ANK3: variants seen among roughly 807,000 people sequenced by gnomAD.
ANK3 encodes the protein ankyrin-3.
ANK3 carries 57 observed loss-of-function variants against 370.9 expected under a neutral mutation model. The observed-to-expected ratio is 0.15, with a 90% CI of 0.12 to 0.19. ANK3 has a LOEUF of 0.19. ANK3 is among the 10% of genes least tolerant of loss of function. ANK3 has a pLI of 1.00. For synonymous variants in ANK3, 1,929 were observed against 1,946.3 expected (o/e 0.99, Z 0.23); for missense variants, 4,439 against 5,302.1 (o/e 0.84, Z 5.06).
At chr10:60,373,381 G>T (rs1038134643) in intron 1 of ANK3, among the ~76,000 whole-genome samples, 2 of 152,146 alleles carry the variant, frequency 1.3e-5, no homozygotes, top group Admixed American at 1.3e-4. Flanking sequence ...ACAAGATCCT[G>T]GGAGTTGAAG....
intron 2 of ANK3, among the ~76,000 whole-genome samples, chr10:60,436,023 G>A (rs1186788572): frequency 6.6e-6 from 1 of 151,768 alleles, no homozygotes; most frequent in Non-Finnish European, 1.5e-5. Flanking sequence ...GGAAGGCGGA[G>A]CTTGCAGTGA....
In ANK3 at chr10:60,693,637, C is replaced by A. The variant is rs1368212098; in HGVS notation, c.57+39626G>T. The stretch of plus-strand genomic sequence containing the variant: ...ACTGGGAGGCACCCCCCAGCAGGGG[C>A]AGATTGACCCCTCACACAGCCAGGT... On this transcript the variant is annotated intron_variant, in intron 1 of 43. Coordinates refer to the ANK3 transcript ENST00000373827. Among the ~76,000 whole-genome samples the A allele has an allele frequency of 2.6e-5, 4 of 152,206 alleles. 1 individual carries two copies. Among genetic ancestry groups the A allele is most frequent in the Non-Finnish European group, 4.4e-5 (3 of 68,038 alleles).
intron 2 of ANK3, chr10:60,572,464 C>T (rs2077623843): frequency 6.5e-7 from 1 of 1,535,650 alleles, no homozygotes; most frequent in African/African-American, 1.4e-5. Flanking sequence ...TCATTTCTTA[C>T]CTTTTTTCCT....
intron 1 of ANK3, among the ~76,000 whole-genome samples, chr10:60,371,679 G>A (rs149095160): frequency 2.0e-5 from 3 of 152,188 alleles, no homozygotes; most frequent in African/African-American, 7.2e-5. Context: ...TAGTATCTAA[G>A]GATTCAGTCC....
chr10:60,153,386 T>A lies in ANK3; in HGVS notation c.2614+13205A>T, dbSNP rs548690854. ...TGGATGGGGGTGGTGAAAATGGAGA[T>A]GGAGAAGAGAAGAGAGATTTGAGAT... On this transcript the variant is annotated intron_variant, in intron 23 of 43. Transcript: ENST00000280772. Among the ~76,000 whole-genome samples, 93 of 151,864 alleles carry A rather than the reference T, an allele frequency of 6.1e-4. 1 individual carries two copies. Among genetic ancestry groups the A allele is most frequent in the Non-Finnish European group, 9.9e-4 (67 of 67,966 alleles).
intron 2 of ANK3, among the ~76,000 whole-genome samples, chr10:60,438,311 A>G (rs1241997207): frequency 6.6e-6 from 1 of 152,186 alleles, no homozygotes; most frequent in Non-Finnish European, 1.5e-5. Flanking sequence ...CAGGACAGGC[A>G]TTAAAAATGA....
intron 5 of ANK3, among the ~76,000 whole-genome samples, chr10:60,267,913 G>T (rs1255388397): frequency 2.0e-5 from 3 of 152,138 alleles, no homozygotes; most frequent in Non-Finnish European, 2.9e-5. Flanking sequence ...TCCCCTGTCC[G>T]CTAGGACACA....
At chr10:60,269,873 C>A (rs2097942130) in intron 5 of ANK3, among the ~76,000 whole-genome samples, 2 of 151,888 alleles carry the variant, frequency 1.3e-5, no homozygotes, top group South Asian at 2.1e-4. Flanking sequence ...AATTCTCAAG[C>A]AAATACGTTA....
exon 1 of ANK3, chr10:60,733,447 G>T: frequency 1.3e-6 from 1 of 788,340 alleles, no homozygotes; most frequent in South Asian, 6.6e-5. Flanking sequence ...ACCAAGCGCG[G>T]CCCCGCGACG....
chr10:60,234,628 G>A, intron 8 of ANK3, 60 bp downstream of exon 8: 3 of 1,024,188 alleles, frequency 2.9e-6, no homozygotes, highest in Non-Finnish European at 4.6e-6. Context: ...AAAGGTATCA[G>A]GAAAAGTATT....
chr10:60,383,870 A>G (rs2061883986), intron 1 of ANK3, among the ~76,000 whole-genome samples: 1 of 152,178 alleles, frequency 6.6e-6, no homozygotes, highest in South Asian at 2.1e-4. Context: ...AACATCAGGA[A>G]GCACTGAGCT....
intron 8 of ANK3, among the ~76,000 whole-genome samples, chr10:60,215,026 G>T (rs1359301347): frequency 6.6e-6 from 1 of 152,056 alleles, no homozygotes; most frequent in Admixed American, 6.6e-5. Flanking sequence ...AGCATCTATT[G>T]TTTCCTGACA....
chr10:60,441,034 C>T (rs1345849088), intron 2 of ANK3, among the ~76,000 whole-genome samples: 1 of 152,016 alleles, frequency 6.6e-6, no homozygotes, highest in Non-Finnish European at 1.5e-5. Context: ...GGAGTATTGC[C>T]TACGGGCAGG....
intron 1 of ANK3, among the ~76,000 whole-genome samples, chr10:60,649,168 G>A (rs1182094451): frequency 6.6e-6 from 1 of 152,034 alleles, no homozygotes; most frequent in African/African-American, 2.4e-5. Flanking sequence ...AGAGCATTTT[G>A]CTTCTTGGAT....
chr10:60,464,990 G>T (rs2064976196), intron 2 of ANK3, among the ~76,000 whole-genome samples: 2 of 152,114 alleles, frequency 1.3e-5, no homozygotes, highest in African/African-American at 4.8e-5. Flanking sequence ...CCTGCTCCAA[G>T]CACAGTGGCT....
chr10:60,225,373 T>C (rs1266635118), intron 8 of ANK3, among the ~76,000 whole-genome samples: 2 of 152,184 alleles, frequency 1.3e-5, no homozygotes, highest in Admixed American at 1.3e-4. Flanking sequence ...ATTTAATCTT[T>C]GCAGCAATTC....
intron 2 of ANK3, among the ~76,000 whole-genome samples, chr10:60,501,362 A>G (rs1342390009): frequency 1.3e-5 from 2 of 152,202 alleles, no homozygotes; most frequent in African/African-American, 4.8e-5. Flanking sequence ...GACAAACCAC[A>G]GTGCTGACAA....
chr10:60,684,483 G>GT, intron 1 of ANK3: 1 of 1,358,348 alleles, frequency 7.4e-7, no homozygotes, highest in South Asian at 1.4e-5. Flanking sequence ...TTTCAATTTG[G>GT]GACATTTATT....
intron 2 of ANK3, among the ~76,000 whole-genome samples, chr10:60,605,212 C>T (rs2078112637): frequency 1.3e-5 from 2 of 152,096 alleles, no homozygotes; most frequent in African/African-American, 4.8e-5. Flanking sequence ...AGCTTTCAGT[C>T]TCTCTCCTTT....
Sources: gnomAD v4.1 joint callset for allele counts (sites outside exome capture counted in the v4.1 genomes callset) on GRCh38, gnomAD v4.1.1 for gene constraint, MANE v1.5 for transcripts, NCBI Gene and HGNC (gene_info 2026-07-23, HGNC 2026-07-21) for gene names.